FSTL5: variants seen among roughly 807,000 people sequenced by gnomAD.
FSTL5 encodes follistatin like 5, also known as follistatin-related protein 5.
In FSTL5, 62 loss-of-function variants were observed where a neutral mutation model predicts 89.1. The observed-to-expected ratio is 0.70, with a 90% CI of 0.57 to 0.86. The LOEUF is 0.86. Ranked by LOEUF, FSTL5 falls within the 40% of genes least tolerant of loss-of-function variation. The probability of loss-of-function intolerance (pLI) is 0.00; values close to 1 mark genes in which losing one functional copy is unlikely to be tolerated. For synonymous variants in FSTL5, 383 were observed against 346.2 expected (o/e 1.11, Z -1.18); for missense variants, 1,057 against 1,001.6 (o/e 1.06, Z -0.75).
chr4:161,911,205 C>T lies in FSTL5; in HGVS notation c.409+9199G>A, dbSNP rs111592456. 4.6e-3 allele frequency among the ~76,000 whole-genome samples: 702 copies of T among 152,146 alleles called. 5 individuals are homozygous for T. Among genetic ancestry groups the T allele is most frequent in the African/African-American group, 0.016 (654 of 41,530 alleles). ...TGAAAATTTCCATTCAGTATCTCCA[C>T]CCTTACCACAAAGTTTTATGCTAGA... On this transcript the variant is annotated intron_variant, in intron 4 of 15. Coordinates refer to ENST00000306100, the MANE Select transcript of FSTL5 (RefSeq NM_020116.5).
intron 15 of FSTL5, among the ~76,000 whole-genome samples, chr4:161,417,409 T>G (rs1731827472): frequency 6.6e-6 from 1 of 152,246 alleles, no homozygotes; most frequent in South Asian, 2.1e-4. Context: ...TTTGCAGTAA[T>G]GTCACCTTAC....
intron 11 of FSTL5, among the ~76,000 whole-genome samples, chr4:161,509,133 T>C (rs948234441): frequency 3.9e-5 from 6 of 152,010 alleles, no homozygotes; most frequent in African/African-American, 1.4e-4. Context: ...CAAAACCCCG[T>C]CTCTACTAAA....
At chr4:161,976,336 C>T (rs1735645203) in intron 3 of FSTL5, among the ~76,000 whole-genome samples, 1 of 152,034 alleles carries the variant, frequency 6.6e-6, no homozygotes, top group East Asian at 1.9e-4. Context: ...GTGATTAATT[C>T]AAGATATGCA....
intron 2 of FSTL5, among the ~76,000 whole-genome samples, chr4:162,083,727 C>T (rs1730193900): frequency 6.6e-6 from 1 of 151,670 alleles, no homozygotes; most frequent in Admixed American, 6.6e-5. Context: ...AATAGCAGAA[C>T]ATGTAAAACT....
At chr4:162,048,521 T>C (rs1399707959) in intron 2 of FSTL5, among the ~76,000 whole-genome samples, 3 of 152,076 alleles carry the variant, frequency 2.0e-5, no homozygotes, top group East Asian at 3.9e-4. Flanking sequence ...AGACCTTCAC[T>C]ACTATCAGTA....
intron 4 of FSTL5, among the ~76,000 whole-genome samples, chr4:161,827,389 C>T (rs376865086): frequency 4.5e-4 from 68 of 152,278 alleles, no homozygotes; most frequent in African/African-American, 1.6e-3. Context: ...GGGTCCTTAG[C>T]TGTAGTTTTG....
chr4:161,410,839 T>C (rs761862523), intron 15 of FSTL5, among the ~76,000 whole-genome samples: 6 of 147,646 alleles, frequency 4.1e-5, no homozygotes, highest in Non-Finnish European at 9.0e-5. Context: ...AAAAAACAAA[T>C]AAACCCCCAA....
chr4:161,813,030 CT>C lies in FSTL5; in HGVS notation c.410-36957del, dbSNP rs372383502. 3.4e-3 allele frequency among the ~76,000 whole-genome samples: 483 copies of C among 141,130 alleles called. 2 individuals are homozygous for C. The highest frequency in any genetic ancestry group is 0.013 in the Admixed American group (188 of 13,946). 92.6% of individuals were successfully genotyped at this position (141,130 alleles called of 152,430 possible). A position where few individuals can be genotyped will look rare whatever the true frequency, so the allele number is the denominator to read the frequency against. On this transcript the variant is annotated intron_variant, in intron 4 of 15. Coordinates refer to ENST00000306100, the MANE Select transcript of FSTL5 (RefSeq NM_020116.5). ...GGGAACATGAGACTGTGAAAGATCCCTTTTTTTTTTTTTTGAGGCAGAGTCT... is the reference window on the plus strand; with the variant it reads ...GGGAACATGAGACTGTGAAAGATCCCTTTTTTTTTTTTTGAGGCAGAGTCT...
At chr4:161,684,204 T>C (rs888782108) in intron 6 of FSTL5, among the ~76,000 whole-genome samples, 2 of 152,206 alleles carry the variant, frequency 1.3e-5, no homozygotes, top group African/African-American at 2.4e-5. Flanking sequence ...TGGTTCCATG[T>C]TTTTGCAATT....
chr4:162,018,315 A>G (rs557968420), intron 3 of FSTL5, among the ~76,000 whole-genome samples: 3 of 152,282 alleles, frequency 2.0e-5, no homozygotes, highest in Non-Finnish European at 4.4e-5. Context: ...TTAAAAATGT[A>G]TTAAGCAAGA....
At chr4:162,093,452 A>G (rs1356760536) in intron 2 of FSTL5, among the ~76,000 whole-genome samples, 4 of 152,190 alleles carry the variant, frequency 2.6e-5, no homozygotes, top group African/African-American at 9.6e-5. Context: ...CCACAGTAAA[A>G]TATCATTTTA....
chr4:161,741,689 T>TA (rs1218327229), intron 6 of FSTL5, among the ~76,000 whole-genome samples: 19 of 90,542 alleles, frequency 2.1e-4, no homozygotes, highest in Middle Eastern at 4.5e-3. Flanking sequence ...TGATTTTTTT[T>TA]TTTTTTTTTT....
intron 6 of FSTL5, among the ~76,000 whole-genome samples, chr4:161,666,354 C>T (rs1228554020): frequency 1.3e-5 from 2 of 152,084 alleles, no homozygotes; most frequent in African/African-American, 4.8e-5. Context: ...CAAAACCCTT[C>T]AAATTGGCTT....
intron 3 of FSTL5, among the ~76,000 whole-genome samples, chr4:162,012,936 C>A (rs190136693): frequency 6.6e-6 from 1 of 152,054 alleles, no homozygotes; most frequent in Non-Finnish European, 1.5e-5. Context: ...GTAGTTCTAG[C>A]ACTTTGGGAG....
chr4:161,385,538 AT>A lies in FSTL5; in HGVS notation c.*208del. On this transcript the variant is annotated 3_prime_UTR_variant, in exon 16 of 16. Transcript: ENST00000306100. ...TGTGACTGATGTGATTTCTCATTAA[AT>A]ATTGTGCTGAGTATTTCTAATTAAC... is the stretch of plus-strand genomic sequence containing the variant. 2.1e-6 allele frequency: 1 copy of A among 481,738 alleles called. No individual in the cohort carries two copies. Among genetic ancestry groups the A allele is most frequent in the Non-Finnish European group, 3.6e-6 (1 of 275,550 alleles). The allele number at this position is 481,738 out of a possible 1,614,324, so 29.8% of individuals were successfully genotyped here.
intron 7 of FSTL5, among the ~76,000 whole-genome samples, chr4:161,629,208 C>T (rs973881181): frequency 6.6e-5 from 10 of 152,206 alleles, no homozygotes; most frequent in African/African-American, 2.2e-4. Flanking sequence ...GACTGACCTA[C>T]TACCACATAC....
chr4:161,966,105 C>A (rs1381972515), intron 3 of FSTL5, among the ~76,000 whole-genome samples: 1 of 151,944 alleles, frequency 6.6e-6, no homozygotes, highest in Non-Finnish European at 1.5e-5. Context: ...GCAATGAAGT[C>A]GTATGGTAAG....
At chr4:161,392,906 G>C (rs1730867229) in intron 15 of FSTL5, among the ~76,000 whole-genome samples, 1 of 152,168 alleles carries the variant, frequency 6.6e-6, no homozygotes, top group Non-Finnish European at 1.5e-5. Context: ...GCTCACACCT[G>C]TAATCCCAGC....
At chr4:162,041,017 A>AT (rs562845621) in intron 2 of FSTL5, among the ~76,000 whole-genome samples, 35 of 152,134 alleles carry the variant, frequency 2.3e-4, no homozygotes, top group Admixed American at 7.9e-4. Context: ...TTCAATAGTC[A>AT]GGTGGAGGGA....
Sources: gnomAD v4.1 joint callset for allele counts (sites outside exome capture counted in the v4.1 genomes callset) on GRCh38, gnomAD v4.1.1 for gene constraint, MANE v1.5 for transcripts, NCBI Gene and HGNC (gene_info 2026-07-23, HGNC 2026-07-21) for gene names.